Variants in RIPOR2 observed in about 807,000 individuals in gnomAD.
RIPOR2 encodes the protein rho family-interacting cell polarization regulator 2.
Under a neutral mutation model 114.5 loss-of-function variants are expected in RIPOR2, and 39 were observed. That is an observed-to-expected ratio of 0.34 (90% CI 0.26 to 0.44). The LOEUF (loss-of-function observed/expected upper bound fraction) is 0.44. RIPOR2 is among the 20% of genes least tolerant of loss of function. The probability of loss-of-function intolerance (pLI) is 1.00; values close to 1 mark genes in which losing one functional copy is unlikely to be tolerated. For synonymous variants in RIPOR2, 445 were observed against 484.4 expected (o/e 0.92, Z 1.07); for missense variants, 1,007 against 1,255.1 (o/e 0.80, Z 2.99).
At chr6:24,979,522 C>G (rs1017517858) in intron 1 of RIPOR2, among the ~76,000 whole-genome samples, 2 of 152,022 alleles carry the variant, frequency 1.3e-5, no homozygotes, top group African/African-American at 4.8e-5. Context: ...TTACTGTAAC[C>G]AACTATCTGG....
chr6:24,924,539 T>A (rs992665752), intron 1 of RIPOR2, among the ~76,000 whole-genome samples: 1 of 152,084 alleles, frequency 6.6e-6, no homozygotes, highest in African/African-American at 2.4e-5. Context: ...TGCCTTCTGT[T>A]CCCTCCCCAA....
At chr6:24,909,367 TC>T (rs1769321288) in intron 1 of RIPOR2, among the ~76,000 whole-genome samples, 1 of 151,962 alleles carries the variant, frequency 6.6e-6, no homozygotes, top group African/African-American at 2.4e-5. Context: ...GTGGCTGACA[TC>T]CCCTGCTTGT....
At chr6:24,994,214 G>C (rs1226551942) in intron 1 of RIPOR2, among the ~76,000 whole-genome samples, 1 of 152,034 alleles carries the variant, frequency 6.6e-6, no homozygotes, top group African/African-American at 2.4e-5. Context: ...TTGAGACTGA[G>C]GAAGATACAT....
At chr6:24,889,882 TTTTTATTTTA>T (rs142434371) in intron 1 of RIPOR2, among the ~76,000 whole-genome samples, 1 of 151,396 alleles carries the variant, frequency 6.6e-6, no homozygotes, top group Admixed American at 6.6e-5. Flanking sequence ...TATGTTCATT[TTTTTATTTTA>T]TTTTATTTTA....
intron 1 of RIPOR2, among the ~76,000 whole-genome samples, chr6:24,973,952 A>G (rs1173289476): frequency 6.6e-6 from 1 of 152,200 alleles, no homozygotes; most frequent in Non-Finnish European, 1.5e-5. Context: ...TAGAGGACGG[A>G]GAGAAGGAGA....
At chr6:25,022,946 T>C (rs932290890) in intron 1 of RIPOR2, among the ~76,000 whole-genome samples, 2 of 152,178 alleles carry the variant, frequency 1.3e-5, no homozygotes, top group African/African-American at 4.8e-5. Flanking sequence ...TATGCATTAA[T>C]TTCAGAAATG....
chr6:24,806,258 T>C lies in RIPOR2; in HGVS notation c.*115A>G. The C allele has an allele frequency of 1.3e-6, 1 of 768,664 alleles. No homozygotes were observed. Among genetic ancestry groups the C allele is most frequent in the East Asian group, 2.7e-5 (1 of 36,582 alleles). The allele number at this position is 768,664 out of a possible 1,614,324, so 47.6% of individuals were successfully genotyped here. A position where few individuals can be genotyped will look rare whatever the true frequency, so the allele number is the denominator to read the frequency against. On this transcript the variant is annotated 3_prime_UTR_variant, in exon 22 of 22. Coordinates refer to ENST00000643898, the MANE Select transcript of RIPOR2 (RefSeq NM_001286445.3). ...ATGAGCCACTGCACCTGGCCTACATTTTTATTTCAGTTGTCGTGTCTCTCA... is the reference window on the plus strand; with the variant it reads ...ATGAGCCACTGCACCTGGCCTACATCTTTATTTCAGTTGTCGTGTCTCTCA...
At chr6:24,923,234 T>C (rs1770635451) in intron 1 of RIPOR2, among the ~76,000 whole-genome samples, 1 of 152,216 alleles carries the variant, frequency 6.6e-6, no homozygotes, top group South Asian at 2.1e-4. Context: ...GGCTGAATAA[T>C]ATTCCATTGT....
At chr6:24,983,682 G>C (rs1039281490) in intron 1 of RIPOR2, among the ~76,000 whole-genome samples, 9 of 150,240 alleles carry the variant, frequency 6.0e-5, no homozygotes, top group African/African-American at 1.5e-4. Flanking sequence ...GCTTGAACCC[G>C]GGAGGCAGAG....
chr6:24,890,756 G>C (rs986446039), intron 1 of RIPOR2, among the ~76,000 whole-genome samples: 3 of 151,828 alleles, frequency 2.0e-5, no homozygotes, highest in African/African-American at 7.3e-5. Flanking sequence ...CTGGGCACAA[G>C]TGATTCTCTC....
intron 1 of RIPOR2, among the ~76,000 whole-genome samples, chr6:24,905,479 C>T (rs1768887609): frequency 6.6e-6 from 1 of 152,060 alleles, no homozygotes; most frequent in Non-Finnish European, 1.5e-5. Context: ...AAATACGGCA[C>T]TGCAATTCAA....
At chr6:24,811,193 T>C (rs533200809) in intron 20 of RIPOR2, among the ~76,000 whole-genome samples, 29 of 151,830 alleles carry the variant, frequency 1.9e-4, no homozygotes, top group African/African-American at 6.8e-4. Flanking sequence ...TTTTCCAAGA[T>C]TTTGGCAAGT....
chr6:24,997,795 A>C (rs1262378471), intron 1 of RIPOR2, among the ~76,000 whole-genome samples: 2 of 152,188 alleles, frequency 1.3e-5, no homozygotes, highest in East Asian at 3.8e-4. Context: ...AGAAACACGC[A>C]CTGGTTTAAA....
intron 1 of RIPOR2, among the ~76,000 whole-genome samples, chr6:24,920,754 G>A (rs752822935): frequency 7.9e-5 from 12 of 152,078 alleles, no homozygotes; most frequent in East Asian, 1.9e-4. Context: ...TCCTGATTCC[G>A]CATCACAGCA....
chr6:24,950,948 G>T (rs932398567), intron 1 of RIPOR2, among the ~76,000 whole-genome samples: 2 of 152,188 alleles, frequency 1.3e-5, no homozygotes, highest in African/African-American at 2.4e-5. Flanking sequence ...CAGTTTTGAA[G>T]GCAGCATGCC....
chr6:24,989,900 G>A (rs1262219407), intron 1 of RIPOR2, among the ~76,000 whole-genome samples: 3 of 151,780 alleles, frequency 2.0e-5, no homozygotes, highest in African/African-American at 7.3e-5. Context: ...CGTGGTGGTG[G>A]GCGCCTGTAA....
intron 18 of RIPOR2, 46 bp from the exon 19 acceptor site, chr6:24,825,474 G>A (rs1222250217): frequency 7.5e-7 from 1 of 1,332,832 alleles, no homozygotes; most frequent in Non-Finnish European, 1.1e-6. Context: ...ACATGCTAAA[G>A]TAATCAGCTC....
chr6:24,942,852 A>T (rs1772209503), intron 1 of RIPOR2, among the ~76,000 whole-genome samples: 2 of 152,072 alleles, frequency 1.3e-5, no homozygotes, highest in African/African-American at 4.8e-5. Flanking sequence ...ATTTTCTCCC[A>T]TTCTGTAGGT....
chr6:24,976,793 G>T, intron 1 of RIPOR2: 1 of 1,611,532 alleles, frequency 6.2e-7, no homozygotes. Flanking sequence ...GGCAAATGCT[G>T]GACCCAACAC....
Sources: gnomAD v4.1 joint callset for allele counts (sites outside exome capture counted in the v4.1 genomes callset) on GRCh38, gnomAD v4.1.1 for gene constraint, MANE v1.5 for transcripts, NCBI Gene and HGNC (gene_info 2026-07-23, HGNC 2026-07-21) for gene names.